Variants in A4GNT observed in about 807,000 individuals in gnomAD.
A4GNT encodes the protein alpha-1,4-N-acetylglucosaminyltransferase.
In A4GNT, 6 loss-of-function variants were observed where a neutral mutation model predicts 8.3. That is an observed-to-expected ratio of 0.72 (90% CI 0.39 to 1.42). The LOEUF (loss-of-function observed/expected upper bound fraction) is 1.42, where lower values mean the gene tolerates loss of function less well. A4GNT is among the 40% of genes most tolerant of loss of function. A4GNT has a pLI of 0.02. For missense variants in A4GNT, 377 were observed against 417.0 expected (o/e 0.90, Z 0.84); for synonymous variants, 157 against 159.8 (o/e 0.98, Z 0.13).
chr3:138,130,137 A>T (rs761264388), intron 2 of A4GNT, among the ~76,000 whole-genome samples: 1 of 151,376 alleles, frequency 6.6e-6, no homozygotes, highest in Non-Finnish European at 1.5e-5. Flanking sequence ...TTAAATCGTT[A>T]TAACTATTAT....
chr3:138,126,977 A>G (rs2042749018), intron 2 of A4GNT, among the ~76,000 whole-genome samples: 1 of 143,006 alleles, frequency 7.0e-6, no homozygotes, highest in Non-Finnish European at 1.5e-5. Flanking sequence ...TAAAAATCCA[A>G]AAAAAATAGC....
At chr3:138,127,313 C>T (rs927547265) in intron 2 of A4GNT, among the ~76,000 whole-genome samples, 1 of 151,034 alleles carries the variant, frequency 6.6e-6, no homozygotes, top group Non-Finnish European at 1.5e-5. Context: ...CAGTGGCTTA[C>T]ACCTATAATC....
At chr3:138,131,985 CAA>C (rs1337958188) in intron 1 of A4GNT, among the ~76,000 whole-genome samples, 5 of 151,984 alleles carry the variant, frequency 3.3e-5, no homozygotes, top group Non-Finnish European at 7.4e-5. Flanking sequence ...TGCAATAAAA[CAA>C]GAGAAATGAA....
chr3:138,131,357 T>G, intron 1 of A4GNT, 75 bp from the exon 2 acceptor site: 3 of 1,172,202 alleles, frequency 2.6e-6, no homozygotes, highest in Non-Finnish European at 3.4e-6. Flanking sequence ...AAATGATACA[T>G]GAATATCATT....
In A4GNT at chr3:138,130,834, T is replaced by C. The variant is rs200427892; in HGVS notation, c.408+15A>G. On this transcript the variant is annotated intron_variant, in intron 2 of 2. Coordinates refer to ENST00000236709, the MANE Select transcript of A4GNT (RefSeq NM_016161.3). ...ATACAATTCGTTGACATTTTAAGTT[T>C]CCCTAAACACTTACTTGATTGTACC... 52 of 1,610,014 alleles carry C rather than the reference T, an allele frequency of 3.2e-5. 1 individual carries two copies. In the African/African-American group the frequency reaches 6.4e-4, roughly 20 times the overall value.
Position 138,123,753 on chromosome 3 carries a change from A to G in A4GNT, c.*511T>C, listed in dbSNP as rs982783699. The G allele has an allele frequency of 6.5e-6, 1 of 153,268 alleles. No individual in the cohort carries two copies. The highest frequency in any genetic ancestry group is 6.5e-5 in the Admixed American group (1 of 15,430). The allele number at this position is 153,268 out of a possible 1,614,324, so 9.5% of individuals were successfully genotyped here. On this transcript the variant is annotated 3_prime_UTR_variant, in exon 3 of 3. Coordinates refer to ENST00000236709, the MANE Select transcript of A4GNT (RefSeq NM_016161.3). ...ATTTATTGACTGAATGCATTAATGA[A>G]TGTCAAAATCAGGACTAGAAATCAA...
chr3:138,125,698 G>A (rs944425050), intron 2 of A4GNT, among the ~76,000 whole-genome samples: 2 of 152,180 alleles, frequency 1.3e-5, no homozygotes, highest in Non-Finnish European at 2.9e-5. Context: ...CTCTTCTCTT[G>A]CAGTAGAGAT....
At chr3:138,124,918 G>A (rs760660085) in intron 2 of A4GNT, 40 bp from the exon 3 acceptor site, 13 of 1,586,040 alleles carry the variant, frequency 8.2e-6, no homozygotes, top group Non-Finnish European at 1.1e-5. Context: ...GTAGCCAGGG[G>A]AAGAGGGAGG....
chr3:138,129,086 G>A (rs1420977602), intron 2 of A4GNT, among the ~76,000 whole-genome samples: 1 of 151,914 alleles, frequency 6.6e-6, no homozygotes, highest in Non-Finnish European at 1.5e-5. Context: ...TCCAAAAAAT[G>A]TCTCCAGCTG....
In A4GNT at chr3:138,123,906, C is replaced by T. The variant is rs1039309561; in HGVS notation, c.*358G>A. Reference sequence around the variant, plus strand: ...ATTTTTTCTTCCTCCTTAAACTTCCCAGCCTCTCTTGCAGCTACATCTCAG... The same window carrying T: ...ATTTTTTCTTCCTCCTTAAACTTCCTAGCCTCTCTTGCAGCTACATCTCAG... On this transcript the variant is annotated 3_prime_UTR_variant, in exon 3 of 3. Coordinates refer to ENST00000236709, the MANE Select transcript of A4GNT (RefSeq NM_016161.3). 3 of 193,128 alleles carry T rather than the reference C, an allele frequency of 1.6e-5. No individual in the cohort carries two copies. Among genetic ancestry groups the T allele is most frequent in the Non-Finnish European group, 2.1e-5 (2 of 94,468 alleles). 12.0% of individuals were successfully genotyped at this position (193,128 alleles called of 1,614,324 possible).
chr3:138,128,567 C>T (rs1423838090), intron 2 of A4GNT, among the ~76,000 whole-genome samples: 2 of 152,152 alleles, frequency 1.3e-5, no homozygotes, highest in Non-Finnish European at 2.9e-5. Flanking sequence ...GAGTGATCCA[C>T]CCCCATGACC....
At chr3:138,131,740 AT>A (rs2042778054) in intron 1 of A4GNT, among the ~76,000 whole-genome samples, 1 of 152,244 alleles carries the variant, frequency 6.6e-6, no homozygotes. Context: ...CCATATGATC[AT>A]TTTGGCTCAA....
Position 138,129,681 on chromosome 3 carries a change from G to A in A4GNT, c.408+1168C>T, listed in dbSNP as rs1372368657. Among the ~76,000 whole-genome samples, 4 of 152,202 alleles carry A rather than the reference G, an allele frequency of 2.6e-5. No homozygotes were observed. In the Middle Eastern group the frequency reaches 0.01, roughly 388 times the overall value. ...CAATTTTACCACCTTAGCCCACAAG[G>A]CCGAAAATATTTACTATCTGGCCCT... On this transcript the variant is annotated intron_variant, in intron 2 of 2. Transcript: ENST00000236709.
chr3:138,129,546 G>T (rs1438956382), intron 2 of A4GNT, among the ~76,000 whole-genome samples: 1 of 152,154 alleles, frequency 6.6e-6, no homozygotes, highest in African/African-American at 2.4e-5. Context: ...TGGGACTTCT[G>T]GCCTCCAGAA....
rs1299820716 is a variant in A4GNT at position 138,124,075 on chromosome 3, T to C, written c.*189A>G. The C allele has an allele frequency of 1.4e-6, 1 of 722,776 alleles. No individual in the cohort carries two copies. The highest frequency in any genetic ancestry group is 2.2e-6 in the Non-Finnish European group (1 of 461,034). 44.8% of individuals were successfully genotyped at this position (722,776 alleles called of 1,614,324 possible). The stretch of plus-strand genomic sequence containing the variant: ...GGAGGTCAAGCAGTCAAATGGACCA[T>C]GGGTGTATGTTTTATAGCCAGTATC... On this transcript the variant is annotated 3_prime_UTR_variant, in exon 3 of 3. Coordinates refer to ENST00000236709, the MANE Select transcript of A4GNT (RefSeq NM_016161.3).
At chr3:138,127,875 A>C (rs1263592812) in intron 2 of A4GNT, among the ~76,000 whole-genome samples, 1 of 152,202 alleles carries the variant, frequency 6.6e-6, no homozygotes, top group Non-Finnish European at 1.5e-5. Context: ...TGATCCCTAT[A>C]GATGTACAGC....
In A4GNT at chr3:138,124,132, G is replaced by A; in HGVS notation, c.*132C>T. ...GATTTTTCTATTACAGACAGAGAAA[G>A]CTAATCCTAACTGACATTTGAGAGG... On this transcript the variant is annotated 3_prime_UTR_variant, in exon 3 of 3. Transcript: ENST00000236709. 1 of 1,250,488 alleles carries A rather than the reference G, an allele frequency of 8.0e-7. No individual in the cohort carries two copies. Among genetic ancestry groups the A allele is most frequent in the Non-Finnish European group, 1.1e-6 (1 of 907,658 alleles). 77.5% of individuals were successfully genotyped at this position (1,250,488 alleles called of 1,614,324 possible).
Position 138,124,342 on chromosome 3 carries a change from G to A in A4GNT, c.945C>T (p.His315=). 1 of 1,614,270 alleles carries A rather than the reference G, an allele frequency of 6.2e-7. No individual in the cohort carries two copies. ...NTLVENLYRK[H]CPRTYRDLIK... is the part of the protein sequence containing the mutation. ...TCAGGTCCCTGTAAGTCCTGGGACAGTGCTTGCGATAGAGATTTTCCACCA... is the reference window on the plus strand; with the variant it reads ...TCAGGTCCCTGTAAGTCCTGGGACAATGCTTGCGATAGAGATTTTCCACCA... The change falls in exon 3 of 3, where the codon CAC becomes CAT. Residue 315 remains histidine, a synonymous_variant. Transcript: ENST00000236709.
chr3:138,126,903 G>A (rs2042748243), intron 2 of A4GNT, among the ~76,000 whole-genome samples: 2 of 151,894 alleles, frequency 1.3e-5, no homozygotes, highest in South Asian at 4.2e-4. Flanking sequence ...AGGCCAAGGT[G>A]GGCAGATCAC....
Sources: allele counts gnomAD v4.1 joint callset (sites outside exome capture counted in the v4.1 genomes callset), GRCh38; gene constraint gnomAD v4.1.1; transcripts MANE v1.5; gene names NCBI Gene and HGNC (gene_info 2026-07-23, HGNC 2026-07-21).